The following SPTBN5 variants were observed in gnomAD, a reference collection of about 807,000 sequenced individuals.
The protein encoded by SPTBN5 is spectrin beta chain, non-erythrocytic 5.
In SPTBN5, 513 loss-of-function variants were observed where a neutral mutation model predicts 477.6. That is an observed-to-expected ratio of 1.07 (90% confidence interval 1.00 to 1.16). SPTBN5 has a LOEUF of 1.16. Among genes scored for constraint, SPTBN5 ranks in the 50% most tolerant of loss-of-function variants. The probability of loss-of-function intolerance (pLI) is 0.00; values close to 1 mark genes in which losing one functional copy is unlikely to be tolerated. For synonymous variants in SPTBN5, 2,169 were observed against 2,011.7 expected (o/e 1.08, Z -2.09); for missense variants, 5,062 against 4,731.8 (o/e 1.07, Z -2.05).
At chr15:41,860,944 G>GC in intron 46 of SPTBN5, among the ~76,000 whole-genome samples, 186 bp from the exon 47 acceptor site, 1 of 152,392 alleles carries the variant, frequency 6.6e-6, no homozygotes, top group Middle Eastern at 3.4e-3. Flanking sequence ...GCCAGGGGAG[G>GC]CATTTGGATT....
chr15:41,858,702 CCCT>C lies in SPTBN5; in HGVS notation c.8123_8125del (p.Glu2708del). 1.9e-6 allele frequency: 3 copies of C among 1,609,990 alleles called. No homozygotes were observed. Among genetic ancestry groups the C allele is most frequent in the Non-Finnish European group, 2.5e-6 (3 of 1,178,802 alleles). The stretch of plus-strand genomic sequence containing the variant: ...TGGCAGCATGGCTGTGTCCAGCAAA[CCCT>C]CCTCCAAGGCCACCAGGTTCTTCTC... On this transcript the variant is annotated inframe_deletion, in exon 49 of 68. Transcript: ENST00000320955.
chr15:41,848,652 T>G, intron 67 of SPTBN5, 24 bp from the exon 68 acceptor site: 1 of 1,613,694 alleles, frequency 6.2e-7, no homozygotes, highest in South Asian at 1.1e-5. Flanking sequence ...GGAATGAATT[T>G]AGTAGGGTAT....
chr15:41,861,850 T>C lies in SPTBN5; in HGVS notation c.7622A>G (p.His2541Arg), dbSNP rs1431743303. The change falls in exon 45 of 68, where the codon CAC becomes CGC. Residue 2541 changes from histidine to arginine, a missense_variant. Coordinates refer to ENST00000320955, the MANE Select transcript of SPTBN5 (RefSeq NM_016642.4). ...STGQQLLTAGHPFSSDIRQVL... is the reference protein window; with the variant it reads ...STGQQLLTAGRPFSSDIRQVL... ...CTGGCGAATGTCGGAGCTGAAGGGG[T>C]GCCCCGCTGTGAGCAGTTGCTGCCC... is the stretch of plus-strand genomic sequence containing the variant. 2.5e-6 allele frequency: 4 copies of C among 1,606,976 alleles called. No individual in the cohort carries two copies. In the African/African-American group the frequency reaches 5.3e-5, roughly 21 times the overall value.
chr15:41,861,781 G>T lies in SPTBN5; in HGVS notation c.7691C>A (p.Ala2564Asp). The change falls in exon 45 of 68, where the codon GCC (alanine) becomes GAC (aspartate). Residue 2564 changes from alanine (A) to aspartate (D), a missense_variant. Coordinates refer to ENST00000320955, the MANE Select transcript of SPTBN5 (RefSeq NM_016642.4). Reference protein sequence around the residue: ...LEQELSSLEGAWQEHQLQLQQ... With the variant: ...LEQELSSLEGDWQEHQLQLQQ... ...CAGCTGTAGCTGATGCTCCTGCCAG[G>T]CCCCTTCCAGGCTGCTCAGCTCCTG... is the stretch of plus-strand genomic sequence containing the variant. 6.4e-7 allele frequency: 1 copy of T among 1,559,680 alleles called. No individual in the cohort carries two copies.
chr15:41,853,196 A>C, intron 59 of SPTBN5, 62 bp downstream of exon 59: 1 of 1,532,640 alleles, frequency 6.5e-7, no homozygotes, highest in Non-Finnish European at 8.8e-7. Context: ...AGGGGCCCTG[A>C]GGCCCTGGGC....
chr15:41,858,117 C>A (rs1427620094), intron 49 of SPTBN5, among the ~76,000 whole-genome samples: 1 of 152,182 alleles, frequency 6.6e-6, no homozygotes, highest in African/African-American at 2.4e-5. Flanking sequence ...GACAACATGG[C>A]AAAACCCCAT....
rs1327054602 is a variant in SPTBN5, at chr15:41,853,011, G to A, written c.10171-11C>T. 1.3e-6 allele frequency: 2 copies of A among 1,512,030 alleles called. No homozygotes were observed. The highest frequency in any genetic ancestry group is 1.8e-6 in the Non-Finnish European group (2 of 1,128,418). The allele number at this position is 1,512,030 out of a possible 1,614,324, so 93.7% of individuals were successfully genotyped here. On this transcript the variant is annotated splice_polypyrimidine_tract_variant and intron_variant, in intron 59 of 67. Coordinates refer to ENST00000320955, the MANE Select transcript of SPTBN5 (RefSeq NM_016642.4). ...CAGGCACTCTGTCACCTGGTGGGGA[G>A]GGGCTGCTATGGGTGACAGCTTGGG...
chr15:41,850,331 AC>A (rs2065711393), intron 66 of SPTBN5: 1 of 280,524 alleles, frequency 3.6e-6, no homozygotes, highest in Non-Finnish European at 6.9e-6. Flanking sequence ...CCCTGAACAC[AC>A]GGTCCACACG....
rs181165529 is a variant in SPTBN5, at chr15:41,855,165, G to A, written c.9423+59C>T. On this transcript the variant is annotated intron_variant, in intron 55 of 67. Transcript: ENST00000320955. ...ACTCCCCAGCAACCCTTTCATCCCA[G>A]GGCAGGCCTTCCTCAGCCTCTGCCC... 4.0e-4 allele frequency: 614 copies of A among 1,551,586 alleles called. 2 individuals carry two copies. In the Middle Eastern group the frequency reaches 5.3e-3, roughly 14 times the overall value.
Position 41,861,739 on chromosome 15 carries a change from A to G in SPTBN5, c.7733T>C (p.Leu2578Pro). ...TGGGGATGGGACTGTGCCTGCCTGT[A>G]GCTCCAGGGCCTGCTGCAGCTGTAG... ...HQLQLQQALE[L>P]QLFLSSVEKM... Residue 2578 changes from leucine (L) to proline (P), a missense_variant, in exon 45 of 68, where the codon CTA becomes CCA. Physicochemically the swap from Leu to Pro is moderately conservative, Grantham distance 98 (BLOSUM62 -3). Coordinates refer to ENST00000320955, the MANE Select transcript of SPTBN5 (RefSeq NM_016642.4). 1 of 1,543,770 alleles carries G rather than the reference A, an allele frequency of 6.5e-7. No homozygotes were observed. Among genetic ancestry groups the G allele is most frequent in the Non-Finnish European group, 8.7e-7 (1 of 1,148,278 alleles).
chr15:41,849,358 CCT>C (rs2065669980), intron 67 of SPTBN5, among the ~76,000 whole-genome samples: 1 of 150,094 alleles, frequency 6.7e-6, no homozygotes, highest in Admixed American at 6.6e-5. Context: ...ACATGCTGGA[CCT>C]CTCCATTGCC....
At chr15:41,866,560 G>T in intron 36 of SPTBN5, 67 bp from the exon 37 acceptor site, 1 of 1,436,760 alleles carries the variant, frequency 7.0e-7, no homozygotes, top group East Asian at 2.5e-5. Context: ...CACAGGCCTA[G>T]CCCCCAGCCA....
rs146466158 is a variant in SPTBN5, at chr15:41,848,576, G to A, written c.*40C>T. 152 of 1,613,110 alleles carry A rather than the reference G, an allele frequency of 9.4e-5. No individual in the cohort carries two copies. The East Asian group carries it at 3.1e-3, about 33-fold the overall frequency. On this transcript the variant is annotated 3_prime_UTR_variant, in exon 68 of 68. Transcript: ENST00000320955. The stretch of plus-strand genomic sequence containing the variant: ...ATTCTGGTCCCTTAGATGTGTCCTC[G>A]CTTGTGCCCCTGAAGTTTGGTGTTG...
chr15:41,893,541 C>G lies in SPTBN5; in HGVS notation c.-44G>C. 6.5e-7 allele frequency: 1 copy of G among 1,536,330 alleles called. No homozygotes were observed. ...GGATGAGGAGCTGCTGGATGGCTCC[C>G]TAAACCTGGAGGGCATGCAGATTAG... On this transcript the variant is annotated 5_prime_UTR_variant, in exon 2 of 68. An upstream open reading frame in the 5' UTR loses its in-frame stop. Transcript: ENST00000320955.
intron 7 of SPTBN5, among the ~76,000 whole-genome samples, chr15:41,884,135 G>A (rs927984876): frequency 1.3e-5 from 2 of 152,116 alleles, no homozygotes; most frequent in South Asian, 2.1e-4. Flanking sequence ...ACAGGTGCCC[G>A]CCACCACACC....
Position 41,881,177 on chromosome 15 carries a change from C to T in SPTBN5, c.2515G>A (p.Glu839Lys), listed in dbSNP as rs1360574047. 2 of 1,613,076 alleles carry T rather than the reference C, an allele frequency of 1.2e-6. No individual in the cohort carries two copies. The highest frequency in any genetic ancestry group is 8.5e-7 in the Non-Finnish European group (1 of 1,179,830). ...ESLRNPGPWSEASCHPGPGDA... is the reference protein window; with the variant it reads ...ESLRNPGPWSKASCHPGPGDA... ...CCAGGGCCAGGGTGGCAGGAAGCCT[C>T]ACTCCAGGGCCCTGGGTTCCTCAGG... The change falls in exon 13 of 68, where the codon GAG (glutamate) becomes AAG (lysine). Residue 839 changes from glutamate to lysine, a missense_variant. Physicochemically the swap from Glu to Lys is moderately conservative, Grantham distance 56. Coordinates refer to ENST00000320955, the MANE Select transcript of SPTBN5 (RefSeq NM_016642.4).
At position 41,852,940 on chromosome 15, in the gene SPTBN5, G is replaced by A. The variant is rs1327899017; in HGVS notation, c.10231C>T (p.Leu3411=). Residue 3411 remains leucine (L), a synonymous_variant, in exon 60 of 68, where the codon CTG becomes TTG. Transcript: ENST00000320955. ...RLQELEEAWA[L]RWQRCAESWG... is the part of the protein sequence containing the mutation. ...CTCTCGGCACAGCGTTGCCAGCGCA[G>A]GGCCCAAGCCTCCTCCAGCTCCTGC... The A allele has an allele frequency of 1.3e-6, 2 of 1,580,714 alleles. No individual in the cohort carries two copies. Among genetic ancestry groups the A allele is most frequent in the Non-Finnish European group, 1.7e-6 (2 of 1,164,550 alleles).
chr15:41,858,694 C>A lies in SPTBN5; in HGVS notation c.8134G>T (p.Asp2712Tyr), dbSNP rs1010862673. Residue 2712 changes from aspartate (D) to tyrosine (Y), a missense_variant, in exon 49 of 68, where the codon GAC (aspartate) becomes TAC (tyrosine). Transcript: ENST00000320955. ...NLVALEEGLLDTAMLPAQLQK... is the reference protein window; with the variant it reads ...NLVALEEGLLYTAMLPAQLQK... ...AACTGTGCTGGCAGCATGGCTGTGT[C>A]CAGCAAACCCTCCTCCAAGGCCACC... 12 of 1,609,776 alleles carry A rather than the reference C, an allele frequency of 7.5e-6. No homozygotes were observed. Among genetic ancestry groups the A allele is most frequent in the Middle Eastern group, 1.6e-4 (1 of 6,082 alleles).
chr15:41,859,699 C>T (rs145263167), intron 47 of SPTBN5, among the ~76,000 whole-genome samples: 83 of 152,212 alleles, frequency 5.5e-4, no homozygotes, highest in African/African-American at 1.8e-3. Context: ...GCTGAGCCTG[C>T]CAGGAACCAC....
Sources: gnomAD v4.1 joint callset for allele counts (sites outside exome capture counted in the v4.1 genomes callset) on GRCh38, gnomAD v4.1.1 for gene constraint, MANE v1.5 for transcripts, NCBI Gene and HGNC (gene_info 2026-07-23, HGNC 2026-07-21) for gene names.